RAB10: variants seen among roughly 807,000 people sequenced by gnomAD.
The protein encoded by RAB10 is ras-related protein Rab-10.
In RAB10, 5 loss-of-function variants were observed where a neutral mutation model predicts 25.7. The observed-to-expected ratio is 0.19, with a 90% CI of 0.10 to 0.41. The LOEUF is 0.41. Among genes scored for constraint, RAB10 ranks in the 10% least tolerant of loss-of-function variants. RAB10 has a pLI of 1.00. For synonymous variants in RAB10, 89 were observed against 86.4 expected, an observed-to-expected ratio of 1.03 and a Z score of -0.16; for missense variants, 103 against 245.8, an observed-to-expected ratio of 0.42 and a Z score of 3.89.
intron 1 of RAB10, among the ~76,000 whole-genome samples, chr2:26,049,302 A>C (rs1184700011): frequency 6.6e-6 from 1 of 150,946 alleles, no homozygotes; most frequent in Admixed American, 6.6e-5. Flanking sequence ...ATGATGTAGG[A>C]GTTCTCAAGA....
At chr2:26,046,968 G>A (rs571135106) in intron 1 of RAB10, among the ~76,000 whole-genome samples, 10 of 152,198 alleles carry the variant, frequency 6.6e-5, no homozygotes, top group Admixed American at 2.0e-4. Context: ...GGGATCTCTT[G>A]TATACTTTGC....
At chr2:26,043,028 G>A (rs1220833913) in intron 1 of RAB10, among the ~76,000 whole-genome samples, 2 of 152,142 alleles carry the variant, frequency 1.3e-5, no homozygotes, top group Non-Finnish European at 2.9e-5. Context: ...AAATGGTGCA[G>A]CCACAGTGAG....
Position 26,034,238 on chromosome 2 carries a change from G to T in RAB10, c.-371G>T, listed in dbSNP as rs1468937937. The T allele has an allele frequency of 1.1e-5, 5 of 439,420 alleles. No individual in the cohort carries two copies. The highest frequency in any genetic ancestry group is 1.0e-4 in the African/African-American group (5 of 49,554). The allele number at this position is 439,420 out of a possible 1,614,324, so 27.2% of individuals were successfully genotyped here. On this transcript the variant is annotated 5_prime_UTR_variant, in exon 1 of 6. Transcript: ENST00000264710. The stretch of plus-strand genomic sequence containing the variant: ...GCGTGCTAGCAGGGAGTTTCCGCTC[G>T]GGAGAGAGACTGTCCTCACGCCCGC...
intron 1 of RAB10, among the ~76,000 whole-genome samples, chr2:26,040,480 A>G (rs185586693): frequency 4.1e-4 from 63 of 152,204 alleles, no homozygotes; most frequent in African/African-American, 1.3e-3. Context: ...TCTGGGCAAC[A>G]TAGACCCCAT....
intron 1 of RAB10, among the ~76,000 whole-genome samples, chr2:26,096,176 ACTTAATATTCCTT>A (rs1373624464): frequency 1.3e-5 from 2 of 152,208 alleles, no homozygotes; most frequent in African/African-American, 4.8e-5. Context: ...CTGCAAATTT[ACTTAATATTCCTT>A]TTATAAACAG....
intron 3 of RAB10, among the ~76,000 whole-genome samples, chr2:26,114,038 T>A (rs1422810490): frequency 1.3e-5 from 2 of 151,824 alleles, no homozygotes; most frequent in African/African-American, 4.8e-5. Context: ...ACCAAAAGAG[T>A]GTAAGACTTG....
At chr2:26,079,626 C>CT (rs1666822696) in intron 1 of RAB10, among the ~76,000 whole-genome samples, 1 of 151,990 alleles carries the variant, frequency 6.6e-6, no homozygotes, top group South Asian at 2.1e-4. Flanking sequence ...AAATACAATT[C>CT]TTTCCTCCAT....
At chr2:26,122,552 CG>C (rs1490608147) in intron 3 of RAB10, among the ~76,000 whole-genome samples, 3 of 150,120 alleles carry the variant, frequency 2.0e-5, no homozygotes, top group Non-Finnish European at 4.4e-5. Flanking sequence ...GGTGTGAACC[CG>C]GGAGGCAGAG....
chr2:26,069,713 C>CT (rs1193724125), intron 1 of RAB10, among the ~76,000 whole-genome samples: 1,782 of 145,082 alleles, frequency 0.012, 35 homozygotes, highest in African/African-American at 0.041. Context: ...TACTCAGATA[C>CT]TTTTTTTTTT....
rs116269346 is a variant in RAB10, at chr2:26,106,317, A to G, written c.189-3451A>G. Reference sequence around the variant, plus strand: ...AAAGTAAAATAAGTGGGAAGAATCAATCTATCTGGTTGTAAAGCTTTTTAT... The same window carrying G: ...AAAGTAAAATAAGTGGGAAGAATCAGTCTATCTGGTTGTAAAGCTTTTTAT... On this transcript the variant is annotated intron_variant, in intron 2 of 5. Transcript: ENST00000264710. 6.8e-3 allele frequency among the ~76,000 whole-genome samples: 1,040 copies of G among 152,360 alleles called. 8 individuals carry two copies. The highest frequency in any genetic ancestry group is 0.01 in the Non-Finnish European group (709 of 68,032).
At chr2:26,055,055 T>G (rs1666227050) in intron 1 of RAB10, among the ~76,000 whole-genome samples, 2 of 151,868 alleles carry the variant, frequency 1.3e-5, no homozygotes, top group South Asian at 4.2e-4. Flanking sequence ...GAAAATTAAG[T>G]TATAATCCCC....
At position 26,034,605 on chromosome 2, in the gene RAB10, C is replaced by T; in HGVS notation, c.-4C>T. 1 of 1,613,306 alleles carries T rather than the reference C, an allele frequency of 6.2e-7. No homozygotes were observed. The highest frequency in any genetic ancestry group is 1.7e-5 in the Admixed American group (1 of 60,034). ...GGCGGCGAGAGCCCGAGCCGCTCCT[C>T]CCAATGGCGAAGAAGACGTACGACC... On this transcript the variant is annotated 5_prime_UTR_variant, in exon 1 of 6. Coordinates refer to ENST00000264710, the MANE Select transcript of RAB10 (RefSeq NM_016131.5).
chr2:26,050,964 G>A (rs1315836683), intron 1 of RAB10, among the ~76,000 whole-genome samples: 1 of 151,522 alleles, frequency 6.6e-6, no homozygotes, highest in Non-Finnish European at 1.5e-5. Flanking sequence ...TGTCTCCCAG[G>A]CTAGAGTGCA....
intron 1 of RAB10, among the ~76,000 whole-genome samples, chr2:26,088,533 TTATTAGCTGAGC>T (rs1369270078): frequency 6.6e-6 from 1 of 152,210 alleles, no homozygotes; most frequent in East Asian, 1.9e-4. Flanking sequence ...CTAGCATCTC[TTATTAGCTGAGC>T]TATTGACTTT....
intron 1 of RAB10, among the ~76,000 whole-genome samples, chr2:26,034,954 G>A (rs1216010839): frequency 5.9e-5 from 9 of 152,188 alleles, no homozygotes; most frequent in Admixed American, 5.9e-4. Context: ...ACTATGCTCA[G>A]TGCCTTCTGT....
At chr2:26,101,335 TG>T (rs1440017572) in intron 2 of RAB10, 1 of 152,286 alleles carries the variant, frequency 6.6e-6, no homozygotes, top group Non-Finnish European at 1.5e-5. Context: ...CAGCCACAGC[TG>T]GAGCCTGGGT....
chr2:26,134,374 C>T (rs887379618), intron 5 of RAB10, among the ~76,000 whole-genome samples: 6 of 152,188 alleles, frequency 3.9e-5, no homozygotes, highest in African/African-American at 1.4e-4. Flanking sequence ...ACCTTGGCCT[C>T]TGAAAGTGCT....
rs537383525 is a variant in RAB10, at chr2:26,069,760, C to T, written c.128-28902C>T. On this transcript the variant is annotated intron_variant, in intron 1 of 5. Transcript: ENST00000264710. ...TCACTCTGTTGCCCCGGCTGGAGAG[C>T]AGTGGCATGATCTCATCTCACTGCA... Among the ~76,000 whole-genome samples the T allele has an allele frequency of 1.3e-4, 20 of 151,424 alleles. No homozygotes were observed. The East Asian group carries it at 1.4e-3, about 10-fold the overall frequency.
chr2:26,125,808 CT>C, intron 3 of RAB10, among the ~76,000 whole-genome samples: 1 of 152,006 alleles, frequency 6.6e-6, no homozygotes. Context: ...ATATTTCCTC[CT>C]TTTTGTGGGT....
Sources: gnomAD v4.1 joint callset for allele counts (sites outside exome capture counted in the v4.1 genomes callset) on GRCh38, gnomAD v4.1.1 for gene constraint, MANE v1.5 for transcripts, NCBI Gene and HGNC (gene_info 2026-07-23, HGNC 2026-07-21) for gene names.